Variants in TSHZ2 observed in about 807,000 individuals in gnomAD.
The protein encoded by TSHZ2 is teashirt homolog 2.
Under a neutral mutation model 74.4 loss-of-function variants are expected in TSHZ2, and 21 were observed. That is an observed-to-expected ratio of 0.28 (90% CI 0.20 to 0.41). TSHZ2 has a LOEUF of 0.41. Ranked by LOEUF, TSHZ2 falls within the 10% of genes least tolerant of loss-of-function variation. The pLI, the probability that TSHZ2 is intolerant of heterozygous loss-of-function variation, is 1.00. For synonymous variants in TSHZ2, 540 were observed against 515.3 expected (o/e 1.05, Z -0.65); for missense variants, 1,244 against 1,293.5 (o/e 0.96, Z 0.59).
chr20:53,481,041 T>G (rs1191446549), intron 2 of TSHZ2, among the ~76,000 whole-genome samples: 3 of 68,202 alleles, frequency 4.4e-5, no homozygotes, highest in Non-Finnish European at 8.5e-5. Context: ...CTCAATATAT[T>G]AGAAAAAAAA....
intron 1 of TSHZ2, among the ~76,000 whole-genome samples, chr20:53,158,832 C>T (rs574459042): frequency 2.3e-4 from 35 of 152,360 alleles, no homozygotes; most frequent in African/African-American, 7.9e-4. Context: ...AGTAGTTTCT[C>T]CCATGGCCTC....
At chr20:53,472,201 G>C (rs1366080091) in intron 2 of TSHZ2, among the ~76,000 whole-genome samples, 2 of 152,138 alleles carry the variant, frequency 1.3e-5, no homozygotes, top group Non-Finnish European at 2.9e-5. Flanking sequence ...TTATCAGAAG[G>C]ACACCAAGTG....
At chr20:53,046,121 C>G (rs1473561305) in intron 1 of TSHZ2, among the ~76,000 whole-genome samples, 1 of 152,064 alleles carries the variant, frequency 6.6e-6, no homozygotes, top group Admixed American at 6.6e-5. Context: ...TGGGTCTGGA[C>G]AGTGTATCTG....
chr20:53,280,685 G>A (rs1477572558), intron 2 of TSHZ2, among the ~76,000 whole-genome samples: 1 of 147,530 alleles, frequency 6.8e-6, no homozygotes, highest in Non-Finnish European at 1.5e-5. Context: ...TTGTTGTTGT[G>A]TGTGGGGGTT....
At chr20:53,320,088 C>T (rs1041072732) in intron 2 of TSHZ2, among the ~76,000 whole-genome samples, 4 of 152,206 alleles carry the variant, frequency 2.6e-5, no homozygotes, top group African/African-American at 9.6e-5. Context: ...TCATCACTGC[C>T]AACACTGCCA....
At position 53,305,224 on chromosome 20, in the gene TSHZ2, C is replaced by T. The variant is rs368621193; in HGVS notation, c.*8+48653C>T. Among the ~76,000 whole-genome samples the T allele has an allele frequency of 5.3e-5, 8 of 152,316 alleles. No individual in the cohort carries two copies. In the South Asian group the frequency reaches 1.7e-3, roughly 32 times the overall value. On this transcript the variant is annotated intron_variant, in intron 2 of 2. Transcript: ENST00000371497. ...AAGTGCTGGGATTACAGGCATGAGC[C>T]ACCGCGCCTGGCCCTTAATGAACTC... is the stretch of plus-strand genomic sequence containing the variant.
At chr20:53,141,758 G>C (rs536805005) in intron 1 of TSHZ2, among the ~76,000 whole-genome samples, 1 of 152,230 alleles carries the variant, frequency 6.6e-6, no homozygotes, top group South Asian at 2.1e-4. Flanking sequence ...TGACCTCGCT[G>C]TGCCTTGCAC....
Position 53,261,118 on chromosome 20 carries a change from C to T in TSHZ2, c.*8+4547C>T, listed in dbSNP as rs1990592154. 2.0e-5 allele frequency among the ~76,000 whole-genome samples: 3 copies of T among 152,284 alleles called. No homozygotes were observed. In the South Asian group the frequency reaches 6.2e-4, roughly 32 times the overall value. On this transcript the variant is annotated intron_variant, in intron 2 of 2. Transcript: ENST00000371497. ...CAATGCTCATCAACTTTCTCCTGCT[C>T]CTTGGTTTCCTCCTCCTTGCCTGAT...
intron 2 of TSHZ2, among the ~76,000 whole-genome samples, chr20:53,298,623 C>A (rs1991425526): frequency 6.6e-6 from 1 of 152,154 alleles, no homozygotes; most frequent in East Asian, 1.9e-4. Flanking sequence ...TGTGCAGAAG[C>A]CAGGGTGCAG....
chr20:53,168,655 C>T (rs1988118284), intron 1 of TSHZ2: 1 of 152,164 alleles, frequency 6.6e-6, no homozygotes, highest in Non-Finnish European at 1.5e-5. Context: ...TGGCCCAACA[C>T]AGTAAACATT....
At chr20:53,480,636 C>T in intron 2 of TSHZ2, among the ~76,000 whole-genome samples, 1 of 151,926 alleles carries the variant, frequency 6.6e-6, no homozygotes, top group Admixed American at 6.6e-5. Flanking sequence ...TTGTGTGAAA[C>T]TGTCTCACAC....
chr20:53,342,931 ATTTCTTTTCTTTTCT>A (rs1210110126), intron 2 of TSHZ2, among the ~76,000 whole-genome samples: 7 of 49,892 alleles, frequency 1.4e-4, no homozygotes, highest in Non-Finnish European at 3.1e-4. Flanking sequence ...AAGAACCCGT[ATTTCTTTTCTTTTCT>A]TTTCTTTTCT....
intron 1 of TSHZ2, among the ~76,000 whole-genome samples, chr20:53,079,396 C>T (rs1985461936): frequency 1.3e-5 from 2 of 152,182 alleles, no homozygotes; most frequent in Non-Finnish European, 2.9e-5. Flanking sequence ...CAGTGGTTAA[C>T]GTAGACAGTG....
At chr20:52,997,586 A>AT (rs1982253450) in intron 1 of TSHZ2, among the ~76,000 whole-genome samples, 1 of 151,662 alleles carries the variant, frequency 6.6e-6, no homozygotes, top group African/African-American at 2.4e-5. Context: ...GAAAAAAAAA[A>AT]TGCCTGGGCT....
chr20:53,248,264 G>A (rs898531758), intron 1 of TSHZ2, among the ~76,000 whole-genome samples: 13 of 150,656 alleles, frequency 8.6e-5, no homozygotes, highest in African/African-American at 3.2e-4. Flanking sequence ...TTGTAGAAAC[G>A]GTCTAGCTAT....
At chr20:53,164,249 A>T (rs575618256) in intron 1 of TSHZ2, among the ~76,000 whole-genome samples, 1 of 152,294 alleles carries the variant, frequency 6.6e-6, no homozygotes, top group Admixed American at 6.5e-5. Context: ...GATTTTTATT[A>T]CACAACTTCT....
At chr20:53,076,963 T>C (rs1985383990) in intron 1 of TSHZ2, among the ~76,000 whole-genome samples, 1 of 152,184 alleles carries the variant, frequency 6.6e-6, no homozygotes, top group Non-Finnish European at 1.5e-5. Context: ...GGAAGAATCA[T>C]GGTATTCCTA....
intron 1 of TSHZ2, among the ~76,000 whole-genome samples, chr20:53,097,349 T>C (rs1177055329): frequency 1.3e-5 from 2 of 152,220 alleles, no homozygotes; most frequent in East Asian, 1.9e-4. Context: ...AAGAAAATGT[T>C]TGAGGTATCA....
At chr20:52,982,556 G>A (rs1334167889) in intron 1 of TSHZ2, among the ~76,000 whole-genome samples, 1 of 152,178 alleles carries the variant, frequency 6.6e-6, no homozygotes, top group African/African-American at 2.4e-5. Context: ...AATATTGGCT[G>A]TGCATCTATT....
Sources: allele counts gnomAD v4.1 joint callset (sites outside exome capture counted in the v4.1 genomes callset), GRCh38; gene constraint gnomAD v4.1.1; transcripts MANE v1.5; gene names NCBI Gene and HGNC (gene_info 2026-07-23, HGNC 2026-07-21).